CECR2: variants seen among roughly 807,000 people sequenced by gnomAD.
CECR2 encodes CECR2 histone acetyl-lysine reader.
Under a neutral mutation model 154.5 loss-of-function variants are expected in CECR2, and 30 were observed. The ratio of observed to expected loss-of-function variants is 0.19; its 90% CI spans 0.15 to 0.26. CECR2 has a LOEUF of 0.26. Among genes scored for constraint, CECR2 ranks in the 10% least tolerant of loss-of-function variants. The probability of loss-of-function intolerance (pLI) is 1.00; values close to 1 mark genes in which losing one functional copy is unlikely to be tolerated. For synonymous variants in CECR2, 725 were observed against 683.7 expected, an observed-to-expected ratio of 1.06 and a Z score of -0.94; for missense variants, 1,743 against 1,829.3, an observed-to-expected ratio of 0.95 and a Z score of 0.86.
At chr22:17,542,127 T>C (rs781395741) in intron 15 of CECR2, 30 bp from the exon 16 acceptor site, 28 of 1,600,056 alleles carry the variant, frequency 1.7e-5, no homozygotes, top group Non-Finnish European at 2.4e-5. Context: ...TCTGTGAGTC[T>C]GTAACTGTGC....
At chr22:17,465,232 G>C (rs180855003) in intron 1 of CECR2, among the ~76,000 whole-genome samples, 6 of 152,074 alleles carry the variant, frequency 3.9e-5, no homozygotes, top group Middle Eastern at 3.4e-3. Flanking sequence ...TCCTGACCTC[G>C]TGATCCGCCC....
chr22:17,470,212 C>T (rs2055101446), intron 1 of CECR2, among the ~76,000 whole-genome samples: 1 of 151,760 alleles, frequency 6.6e-6, no homozygotes, highest in Non-Finnish European at 1.5e-5. Flanking sequence ...CTGAGGCAGG[C>T]AGATCATTTG....
At chr22:17,381,180 C>G (rs1394927223) in intron 1 of CECR2, among the ~76,000 whole-genome samples, 1 of 152,198 alleles carries the variant, frequency 6.6e-6, no homozygotes, top group Non-Finnish European at 1.5e-5. Context: ...TTATTTTCCA[C>G]TCTTACACTG....
intron 1 of CECR2, among the ~76,000 whole-genome samples, chr22:17,452,305 C>G (rs1224210499): frequency 6.6e-6 from 1 of 152,188 alleles, no homozygotes; most frequent in Non-Finnish European, 1.5e-5. Context: ...AGCTCCTGGC[C>G]TCAAGTGATC....
At chr22:17,360,555 T>C (rs1426359324) in intron 1 of CECR2, among the ~76,000 whole-genome samples, 2 of 152,028 alleles carry the variant, frequency 1.3e-5, no homozygotes, top group Non-Finnish European at 2.9e-5. Flanking sequence ...TGGTGGCTCG[T>C]AATCCCAGCT....
intron 1 of CECR2, among the ~76,000 whole-genome samples, chr22:17,375,183 G>A (rs572574457): frequency 3.3e-5 from 5 of 151,692 alleles, no homozygotes; most frequent in African/African-American, 4.8e-5. Flanking sequence ...GTGTGATCTC[G>A]GCTCACTGCA....
In CECR2 at chr22:17,549,335, A is replaced by T; in HGVS notation, c.4048A>T (p.Thr1350Ser). The T allele has an allele frequency of 6.2e-7, 1 of 1,613,556 alleles. No homozygotes were observed. The highest frequency in any genetic ancestry group is 1.1e-5 in the South Asian group (1 of 91,046). The change falls in exon 17 of 19, where the codon ACC (threonine) becomes TCC (serine). Residue 1350 changes from threonine to serine, a missense_variant. Thr to Ser is a moderately conservative substitution (Grantham distance 58). Coordinates refer to ENST00000262608, the MANE Select transcript of CECR2 (RefSeq NM_001290047.2). ...SVMLQTGPPYTPQRPASHFQP... is the reference protein window; with the variant it reads ...SVMLQTGPPYSPQRPASHFQP... ...GATGCTGCAGACGGGGCCTCCCTAT[A>T]CCCCTCAGCGGCCGGCCAGTCACTT...
chr22:17,453,827 C>T (rs372193800), intron 1 of CECR2, among the ~76,000 whole-genome samples: 7 of 152,202 alleles, frequency 4.6e-5, no homozygotes, highest in African/African-American at 7.2e-5. Context: ...TGCTGACGAG[C>T]GTACCCTTTC....
At chr22:17,383,157 G>A (rs1480935935) in intron 1 of CECR2, among the ~76,000 whole-genome samples, 2 of 152,074 alleles carry the variant, frequency 1.3e-5, no homozygotes, top group South Asian at 2.1e-4. Context: ...CCCGGGAGGC[G>A]GAGTTTGCAG....
intron 1 of CECR2, among the ~76,000 whole-genome samples, chr22:17,455,485 C>G (rs2054838847): frequency 6.6e-6 from 1 of 152,204 alleles, no homozygotes; most frequent in Non-Finnish European, 1.5e-5. Context: ...TTTCTCCTCC[C>G]TACTCTCCTG....
intron 9 of CECR2, among the ~76,000 whole-genome samples, chr22:17,531,228 G>A (rs749270564): frequency 3.3e-5 from 5 of 152,164 alleles, no homozygotes; most frequent in Admixed American, 6.5e-5. Flanking sequence ...AGGGATCCCC[G>A]TGGTGACACA....
intron 10 of CECR2, among the ~76,000 whole-genome samples, chr22:17,537,612 A>G (rs1447476705): frequency 2.0e-5 from 3 of 152,234 alleles, no homozygotes; most frequent in Admixed American, 2.0e-4. Flanking sequence ...AGAGGCAGAT[A>G]CACATTCAGT....
chr22:17,443,398 C>A (rs1224461105), intron 1 of CECR2, among the ~76,000 whole-genome samples: 3 of 151,880 alleles, frequency 2.0e-5, no homozygotes, highest in Non-Finnish European at 4.4e-5. Context: ...TTAGAATATT[C>A]AGAAAGGAAA....
chr22:17,525,224 G>T (rs4470418), intron 9 of CECR2, among the ~76,000 whole-genome samples: 23,226 of 139,840 alleles, frequency 0.17, 2,201 homozygotes, highest in East Asian at 0.47. Flanking sequence ...AGTGGAGGTT[G>T]CGGTGAGCCA....
At chr22:17,415,794 G>A (rs867128882) in intron 1 of CECR2, among the ~76,000 whole-genome samples, 4 of 152,286 alleles carry the variant, frequency 2.6e-5, no homozygotes, top group Admixed American at 6.5e-5. Context: ...TGGTTTATCT[G>A]TTCTTTACTT....
chr22:17,441,197 C>G (rs1303200393), intron 1 of CECR2, among the ~76,000 whole-genome samples: 5 of 152,116 alleles, frequency 3.3e-5, no homozygotes, highest in African/African-American at 1.2e-4. Context: ...GATCCGCCTG[C>G]CTTGGCTTCT....
At position 17,542,173 on chromosome 22, in the gene CECR2, A is replaced by G. The variant is rs935566022; in HGVS notation, c.2030A>G (p.Asn677Ser). The G allele has an allele frequency of 4.3e-6, 7 of 1,610,674 alleles. No individual in the cohort carries two copies. Among genetic ancestry groups the G allele is most frequent in the African/African-American group, 1.3e-5 (1 of 75,002 alleles). Reference protein sequence around the residue: ...PFTMQPPVGINSLRGPRLGTP... With the variant: ...PFTMQPPVGISSLRGPRLGTP... ...CGTTGCCAGCCTCCAGTTGGAATTA[A>G]CAGCCTCCGAGGACCCAGGCTAGGC... The change falls in exon 16 of 19, where the codon AAC becomes AGC. Residue 677 changes from asparagine (N) to serine (S), a missense_variant. Transcript: ENST00000262608.
rs149099916 is a variant in CECR2 at position 17,508,621 on chromosome 22, G to A, written c.871-3192G>A. On this transcript the variant is annotated intron_variant, in intron 7 of 18. Coordinates refer to ENST00000262608, the MANE Select transcript of CECR2 (RefSeq NM_001290047.2). ...AGGCTATACCCCATAACCTAGGTGT[G>A]TAGCACACTACATCGTCTAGGGTTG... Among the ~76,000 whole-genome samples the A allele has an allele frequency of 6.7e-3, 1,017 of 152,106 alleles. 11 individuals carry two copies. The highest frequency in any genetic ancestry group is 0.024 in the African/African-American group (989 of 41,486).
At chr22:17,420,079 T>C (rs554924053) in intron 1 of CECR2, among the ~76,000 whole-genome samples, 40 of 152,378 alleles carry the variant, frequency 2.6e-4, no homozygotes, top group African/African-American at 9.4e-4. Context: ...TGAACAAGTT[T>C]CAATACTTAC....
Sources: gnomAD v4.1 joint callset for allele counts (sites outside exome capture counted in the v4.1 genomes callset) on GRCh38, gnomAD v4.1.1 for gene constraint, MANE v1.5 for transcripts, NCBI Gene and HGNC (gene_info 2026-07-23, HGNC 2026-07-21) for gene names.